The following FER variants were observed in gnomAD, a reference collection of about 807,000 sequenced individuals.
FER encodes the protein FER tyrosine kinase, also known as tyrosine-protein kinase Fer.
Under a neutral mutation model 111.0 loss-of-function variants are expected in FER, and 63 were observed. That is an observed-to-expected ratio of 0.57 (90% CI 0.46 to 0.70). FER has a LOEUF of 0.70. FER is among the 30% of genes least tolerant of loss of function. FER has a pLI of 0.00. For synonymous variants in FER, 327 were observed against 313.9 expected (o/e 1.04, Z -0.44); for missense variants, 914 against 954.0 (o/e 0.96, Z 0.55).
chr5:109,038,207 T>C (rs976336274), intron 14 of FER, among the ~76,000 whole-genome samples: 1 of 151,934 alleles, frequency 6.6e-6, no homozygotes, highest in East Asian at 1.9e-4. Flanking sequence ...TGAATAAGTA[T>C]TCACTTTTTT....
intron 9 of FER, among the ~76,000 whole-genome samples, chr5:108,889,866 G>T (rs1747763819): frequency 6.6e-6 from 1 of 151,846 alleles, no homozygotes; most frequent in South Asian, 2.1e-4. Context: ...TAGCAGCGGT[G>T]ATACATATTT....
chr5:108,812,328 A>G (rs1253155562), intron 3 of FER, among the ~76,000 whole-genome samples: 1 of 152,334 alleles, frequency 6.6e-6, no homozygotes, highest in Non-Finnish European at 1.5e-5. Context: ...TCACTGAGAA[A>G]TTAACTTAAC....
intron 3 of FER, among the ~76,000 whole-genome samples, chr5:108,798,849 AT>A (rs1264153491): frequency 7.9e-5 from 12 of 151,984 alleles, no homozygotes; most frequent in Non-Finnish European, 1.8e-4. Flanking sequence ...AAATTCCCTA[AT>A]TTTTTGTGCC....
chr5:108,839,359 A>G (rs1761002003), intron 5 of FER, among the ~76,000 whole-genome samples: 1 of 152,132 alleles, frequency 6.6e-6, no homozygotes, highest in Admixed American at 6.5e-5. Flanking sequence ...CAAAAGTTAA[A>G]AGGAACCAAG....
At chr5:108,748,419 C>T (rs1278897419) in intron 1 of FER, 2 of 152,296 alleles carry the variant, frequency 1.3e-5, no homozygotes, top group African/African-American at 4.8e-5. Context: ...GCCGACCCGC[C>T]GAGTAGTCCC....
At chr5:109,065,075 A>C (rs1472815129) in intron 16 of FER, among the ~76,000 whole-genome samples, 1 of 152,150 alleles carries the variant, frequency 6.6e-6, no homozygotes, top group Non-Finnish European at 1.5e-5. Context: ...TAAAAAACAA[A>C]TTTTACGTAA....
At chr5:108,870,044 T>C (rs1764455135) in intron 6 of FER, among the ~76,000 whole-genome samples, 1 of 152,150 alleles carries the variant, frequency 6.6e-6, no homozygotes, top group African/African-American at 2.4e-5. Flanking sequence ...TTTCCTACTT[T>C]CATTTATTAA....
chr5:109,084,616 C>T (rs1416570329), intron 16 of FER, among the ~76,000 whole-genome samples: 2 of 151,722 alleles, frequency 1.3e-5, no homozygotes, highest in Non-Finnish European at 2.9e-5. Context: ...TGGATGAAGT[C>T]CCATTATCTT....
chr5:109,179,936 G>A (rs1489408222), intron 17 of FER, among the ~76,000 whole-genome samples: 1 of 152,152 alleles, frequency 6.6e-6, no homozygotes, highest in East Asian at 1.9e-4. Flanking sequence ...GAGTGGTCAG[G>A]AAAGAACTCT....
At chr5:109,043,398 A>AAT in intron 14 of FER, among the ~76,000 whole-genome samples, 1 of 152,300 alleles carries the variant, frequency 6.6e-6, no homozygotes, top group Middle Eastern at 3.4e-3. Context: ...TTACTGTTTA[A>AAT]GTATATTTTT....
At chr5:109,124,994 C>T (rs1360841461) in intron 17 of FER, among the ~76,000 whole-genome samples, 2 of 143,426 alleles carry the variant, frequency 1.4e-5, no homozygotes, top group East Asian at 4.1e-4. Context: ...TGCAGTGAGC[C>T]GAGATTGCAC....
chr5:108,775,402 A>G (rs549467320), intron 2 of FER, among the ~76,000 whole-genome samples: 12 of 152,210 alleles, frequency 7.9e-5, no homozygotes, highest in Admixed American at 1.3e-4. Flanking sequence ...CCTTACGATT[A>G]TCTGTCACAT....
At chr5:108,860,922 C>T (rs1182395720) in intron 5 of FER, among the ~76,000 whole-genome samples, 1 of 152,068 alleles carries the variant, frequency 6.6e-6, no homozygotes, top group Non-Finnish European at 1.5e-5. Context: ...GGGAAAACTG[C>T]CTTGTAAAAC....
intron 9 of FER, among the ~76,000 whole-genome samples, chr5:108,886,966 A>G (rs1351566260): frequency 6.6e-6 from 1 of 151,682 alleles, no homozygotes; most frequent in Non-Finnish European, 1.5e-5. Context: ...TTAATTTCTT[A>G]ATATTTCTTG....
intron 2 of FER, among the ~76,000 whole-genome samples, chr5:108,793,942 C>T (rs548687775): frequency 1.3e-5 from 2 of 152,224 alleles, no homozygotes; most frequent in South Asian, 4.1e-4. Flanking sequence ...TGACCCCTCT[C>T]CGCTTTTTAA....
chr5:108,998,743 A>T (rs1016466398), intron 13 of FER, among the ~76,000 whole-genome samples: 19 of 152,158 alleles, frequency 1.2e-4, no homozygotes, highest in East Asian at 9.6e-4. Context: ...AGTTCTGTTT[A>T]TGTGATGAAT....
intron 19 of FER, 115 bp downstream of exon 19, chr5:109,186,437 A>G (rs1053861365): frequency 1.0e-4 from 148 of 1,484,122 alleles, no homozygotes; most frequent in Non-Finnish European, 1.3e-4. Context: ...GTGTTATGAG[A>G]CCATCTCTGG....
chr5:108,850,636 A>C (rs1376015154), intron 5 of FER, among the ~76,000 whole-genome samples: 2 of 152,144 alleles, frequency 1.3e-5, no homozygotes, highest in Non-Finnish European at 2.9e-5. Flanking sequence ...TTTAAGATTT[A>C]CTTTTTATTT....
intron 16 of FER, among the ~76,000 whole-genome samples, chr5:109,097,279 A>G (rs1369150768): frequency 6.6e-6 from 1 of 151,948 alleles, no homozygotes; most frequent in Non-Finnish European, 1.5e-5. Context: ...GAACATTGTA[A>G]GTATTGTCTT....
Sources: allele counts gnomAD v4.1 joint callset (sites outside exome capture counted in the v4.1 genomes callset), GRCh38; gene constraint gnomAD v4.1.1; transcripts MANE v1.5; gene names NCBI Gene and HGNC (gene_info 2026-07-23, HGNC 2026-07-21).